Variants in CCDC171 observed in about 807,000 individuals in gnomAD.
The protein encoded by CCDC171 is coiled-coil domain containing 171, also known as coiled-coil domain-containing protein 171.
CCDC171 carries 177 observed loss-of-function variants against 168.2 expected under a neutral mutation model. That is an observed-to-expected ratio of 1.05 (90% CI 0.93 to 1.19). CCDC171 has a LOEUF of 1.19. Ranked by LOEUF, CCDC171 falls within the 50% of genes most tolerant of loss-of-function variation. The pLI, the probability that CCDC171 is intolerant of heterozygous loss-of-function variation, is 0.00. For synonymous variants in CCDC171, 687 were observed against 540.8 expected (o/e 1.27, Z -3.75); for missense variants, 1,991 against 1,539.0 (o/e 1.29, Z -4.91).
intron 25 of CCDC171, among the ~76,000 whole-genome samples, chr9:15,958,538 A>ATTATATTATG (rs1830037009): frequency 6.8e-6 from 1 of 147,170 alleles, no homozygotes; most frequent in Non-Finnish European, 1.5e-5. Flanking sequence ...ATTATATTAT[A>ATTATATTATG]TTATATTATA....
At chr9:15,859,674 T>G (rs2061481383) in intron 23 of CCDC171, among the ~76,000 whole-genome samples, 1 of 150,592 alleles carries the variant, frequency 6.6e-6, no homozygotes, top group African/African-American at 2.4e-5. Flanking sequence ...TTTGTTTTTT[T>G]GAGACAGTGT....
At chr9:15,802,917 T>A (rs541756293) in intron 21 of CCDC171, among the ~76,000 whole-genome samples, 96 of 152,268 alleles carry the variant, frequency 6.3e-4, no homozygotes, top group African/African-American at 2.0e-3. Context: ...TGCCAGCATC[T>A]GTTGTTTTTT....
chr9:16,065,861 A>G (rs1833985505), downstream of CCDC171, among the ~76,000 whole-genome samples: 1 of 149,958 alleles, frequency 6.7e-6, no homozygotes, highest in South Asian at 2.1e-4. Context: ...AAATGAGGCA[A>G]CACATATAAA....
intron 6 of CCDC171, among the ~76,000 whole-genome samples, chr9:15,615,934 C>T (rs10756678): frequency 0.41 from 62,224 of 151,668 alleles, 14,477 homozygotes; most frequent in East Asian, 0.75. Flanking sequence ...TGCGCCACAA[C>T]GCCAGCTAAT....
rs143956783 is a variant in CCDC171, at chr9:15,836,749, T to C, written c.3268-9953T>C. 6.1e-3 allele frequency among the ~76,000 whole-genome samples: 929 copies of C among 152,300 alleles called. 13 individuals are homozygous for C. The highest frequency in any genetic ancestry group is 0.043 in the Admixed American group (660 of 15,294). On this transcript the variant is annotated intron_variant, in intron 21 of 25. Coordinates refer to ENST00000380701, the MANE Select transcript of CCDC171 (RefSeq NM_173550.4). Reference sequence around the variant, plus strand: ...GTCACATTTCATTGGTCAAAGCAAGTAACTTGACCATTCCTGATTTTGACA... The same window carrying C: ...GTCACATTTCATTGGTCAAAGCAAGCAACTTGACCATTCCTGATTTTGACA...
intron 3 of CCDC171, among the ~76,000 whole-genome samples, chr9:15,574,107 AATT>A (rs1208421028): frequency 1.3e-5 from 2 of 151,846 alleles, no homozygotes; most frequent in Non-Finnish European, 2.9e-5. Flanking sequence ...TTATATTACT[AATT>A]ATTATTTTTT....
chr9:15,970,736 A>G (rs1026720941), intron 25 of CCDC171, among the ~76,000 whole-genome samples: 3 of 152,192 alleles, frequency 2.0e-5, no homozygotes, highest in Non-Finnish European at 4.4e-5. Context: ...CAAATATATG[A>G]CAAATTATTT....
the CCDC171 span, among the ~76,000 whole-genome samples, chr9:16,078,202 T>A: frequency 6.6e-6 from 1 of 152,098 alleles, no homozygotes; most frequent in Non-Finnish European, 1.5e-5. Flanking sequence ...ACACTTTTTG[T>A]CAGTTCTACC....
chr9:15,916,179 ATCTT>A (rs1274796197), intron 24 of CCDC171, among the ~76,000 whole-genome samples: 1 of 151,898 alleles, frequency 6.6e-6, no homozygotes, highest in African/African-American at 2.4e-5. Context: ...GAAATATTGA[ATCTT>A]TCTTTTATGA....
chr9:15,773,320 A>G (rs1015903942), intron 18 of CCDC171, among the ~76,000 whole-genome samples: 3 of 152,184 alleles, frequency 2.0e-5, no homozygotes, highest in Non-Finnish European at 4.4e-5. Flanking sequence ...ACTGCAGCTA[A>G]AAGTAGTGGA....
chr9:15,994,285 A>G (rs1470996466), intron 3 of CCDC171, among the ~76,000 whole-genome samples: 1 of 152,186 alleles, frequency 6.6e-6, no homozygotes, highest in Non-Finnish European at 1.5e-5. Flanking sequence ...TGTCCTTTGT[A>G]GGGACATGGA....
chr9:15,750,104 C>G (rs1462306208), intron 18 of CCDC171, among the ~76,000 whole-genome samples: 2 of 150,630 alleles, frequency 1.3e-5, no homozygotes, highest in African/African-American at 4.9e-5. Context: ...AGAGAAGAAT[C>G]AAATAGATGC....
intron 2 of CCDC171, among the ~76,000 whole-genome samples, chr9:15,564,816 G>C (rs2039594867): frequency 6.6e-6 from 1 of 152,224 alleles, no homozygotes; most frequent in Non-Finnish European, 1.5e-5. Flanking sequence ...ATGTAACAGA[G>C]TAATATTCTG....
chr9:15,606,119 A>G (rs1433546226), intron 6 of CCDC171, among the ~76,000 whole-genome samples: 1 of 152,198 alleles, frequency 6.6e-6, no homozygotes, highest in Non-Finnish European at 1.5e-5. Context: ...AAGTAATGTG[A>G]ATGTGGTCTT....
intron 6 of CCDC171, among the ~76,000 whole-genome samples, chr9:16,025,335 G>A (rs1232742160): frequency 6.6e-6 from 1 of 152,102 alleles, no homozygotes; most frequent in African/African-American, 2.4e-5. Flanking sequence ...CCAGCTACTC[G>A]GGAGGCTGAG....
intron 21 of CCDC171, among the ~76,000 whole-genome samples, chr9:15,842,613 A>G (rs2060727541): frequency 2.0e-5 from 3 of 152,094 alleles, no homozygotes; most frequent in South Asian, 4.1e-4. Flanking sequence ...ACTTCAAAAA[A>G]GACCTCTATT....
chr9:15,994,154 A>AC (rs56840984), intron 3 of CCDC171, among the ~76,000 whole-genome samples: 11,661 of 152,122 alleles, frequency 0.077, 1,462 homozygotes, highest in African/African-American at 0.27. Context: ...TTATTGCAGT[A>AC]TAATCGCAAT....
chr9:15,613,916 C>G (rs749177778), intron 6 of CCDC171, among the ~76,000 whole-genome samples: 7 of 152,164 alleles, frequency 4.6e-5, no homozygotes, highest in Admixed American at 3.9e-4. Context: ...AGTGTGTATT[C>G]TTTGTCATGT....
At chr9:16,040,931 T>C (rs963428133), upstream of CCDC171, among the ~76,000 whole-genome samples, 1 of 152,188 alleles carries the variant, frequency 6.6e-6, no homozygotes, top group Non-Finnish European at 1.5e-5. Flanking sequence ...TACAGTTCCC[T>C]TGCTTTATAC....
Sources: gnomAD v4.1 joint callset for allele counts (sites outside exome capture counted in the v4.1 genomes callset) on GRCh38, gnomAD v4.1.1 for gene constraint, MANE v1.5 for transcripts, NCBI Gene and HGNC (gene_info 2026-07-23, HGNC 2026-07-21) for gene names.